The following SPOCK3 variants were observed in gnomAD, a reference collection of about 807,000 sequenced individuals.
The protein encoded by SPOCK3 is testican-3.
In SPOCK3, 30 loss-of-function variants were observed where a neutral mutation model predicts 56.6. The observed-to-expected ratio is 0.53, with a 90% CI of 0.40 to 0.72. The LOEUF is 0.72. Among genes scored for constraint, SPOCK3 ranks in the 30% least tolerant of loss-of-function variants. SPOCK3 has a pLI of 0.00. For synonymous variants in SPOCK3, 196 were observed against 183.3 expected, an observed-to-expected ratio of 1.07 and a Z score of -0.56; for missense variants, 527 against 530.0, an observed-to-expected ratio of 0.99 and a Z score of 0.06.
chr4:166,781,414 G>A (rs1740152002), intron 7 of SPOCK3, among the ~76,000 whole-genome samples: 1 of 144,540 alleles, frequency 6.9e-6, no homozygotes, highest in South Asian at 2.2e-4. Flanking sequence ...AGGAGAAAGA[G>A]AAGAAAATAA....
At chr4:166,785,691 T>C (rs1238298294) in intron 7 of SPOCK3, among the ~76,000 whole-genome samples, 1 of 152,196 alleles carries the variant, frequency 6.6e-6, no homozygotes, top group Non-Finnish European at 1.5e-5. Context: ...CATTGACTTT[T>C]TTGAAAAAGC....
intron 2 of SPOCK3, among the ~76,000 whole-genome samples, chr4:167,116,544 G>GTATATGTATATATATATAAAA (rs1761358029): frequency 8.7e-6 from 1 of 114,336 alleles, no homozygotes; most frequent in Admixed American, 9.3e-5. Flanking sequence ...ATATATAAAA[G>GTATATGTATATATATATAAAA]TATATATATG....
intron 2 of SPOCK3, among the ~76,000 whole-genome samples, chr4:167,195,108 AG>A (rs1732819312): frequency 6.6e-6 from 1 of 152,164 alleles, no homozygotes; most frequent in Non-Finnish European, 1.5e-5. Flanking sequence ...GAGTAAGCAG[AG>A]TTGCAGACAG....
intron 7 of SPOCK3, among the ~76,000 whole-genome samples, chr4:166,775,577 T>C (rs1739436571): frequency 6.6e-6 from 1 of 152,132 alleles, no homozygotes; most frequent in Non-Finnish European, 1.5e-5. Context: ...ATATGGCTGA[T>C]TTTCTAAATG....
Position 167,192,231 on chromosome 4 carries a change from T to A in SPOCK3, c.189+41754A>T. Among the ~76,000 whole-genome samples the A allele has an allele frequency of 1.4e-5, 2 of 146,070 alleles. 1 individual carries two copies. The highest frequency in any genetic ancestry group is 3.0e-5 in the Non-Finnish European group (2 of 66,870). Reference sequence around the variant, plus strand: ...TTTAAATTCTTCAGGGATATTGGCTTATAATTTTCTTTTATTGTAATTTCC... The same window carrying A: ...TTTAAATTCTTCAGGGATATTGGCTAATAATTTTCTTTTATTGTAATTTCC... On this transcript the variant is annotated intron_variant, in intron 2 of 10. Coordinates refer to ENST00000357545, the MANE Select transcript of SPOCK3 (RefSeq NM_001040159.2).
chr4:167,210,329 A>C (rs552631469), intron 2 of SPOCK3, among the ~76,000 whole-genome samples: 68 of 152,212 alleles, frequency 4.5e-4, no homozygotes, highest in African/African-American at 1.4e-3. Context: ...CCTTCATTGA[A>C]TCACCTCCCA....
intron 2 of SPOCK3, among the ~76,000 whole-genome samples, chr4:167,180,622 C>A (rs866795743): frequency 6.6e-6 from 1 of 152,254 alleles, no homozygotes; most frequent in African/African-American, 2.4e-5. Context: ...GATATTGCAG[C>A]ATTTATATTT....
At chr4:166,772,904 C>T (rs578094980) in intron 7 of SPOCK3, among the ~76,000 whole-genome samples, 9 of 152,188 alleles carry the variant, frequency 5.9e-5, no homozygotes, top group African/African-American at 2.2e-4. Context: ...GATCTTCCCA[C>T]CTCAGCTTCC....
intron 2 of SPOCK3, among the ~76,000 whole-genome samples, chr4:167,072,790 T>C (rs912641225): frequency 6.6e-6 from 1 of 151,786 alleles, no homozygotes; most frequent in Admixed American, 6.6e-5. Flanking sequence ...CCAAGGAAAA[T>C]AAGATTATAA....
At chr4:167,226,029 T>G (rs1470196440) in intron 2 of SPOCK3, among the ~76,000 whole-genome samples, 2 of 152,130 alleles carry the variant, frequency 1.3e-5, no homozygotes, top group Non-Finnish European at 2.9e-5. Context: ...ATCCTGTTCT[T>G]TAACTAAGAG....
In SPOCK3 at chr4:166,916,348, A is replaced by G. The variant is rs147118556; in HGVS notation, c.351-3605T>C. Among the ~76,000 whole-genome samples, 73 of 152,246 alleles carry G rather than the reference A, an allele frequency of 4.8e-4. 1 individual carries two copies. Among genetic ancestry groups the G allele is most frequent in the African/African-American group, 1.7e-3 (69 of 41,556 alleles). On this transcript the variant is annotated intron_variant, in intron 4 of 10. Transcript: ENST00000357545. Reference sequence around the variant, plus strand: ...TCTTTTAGGTGACTCACTTCTAGGCAGTTGAATCATATTATCTTCTTACCA... The same window carrying G: ...TCTTTTAGGTGACTCACTTCTAGGCGGTTGAATCATATTATCTTCTTACCA...
intron 7 of SPOCK3, among the ~76,000 whole-genome samples, chr4:166,781,670 C>T (rs1290961282): frequency 6.6e-6 from 1 of 151,890 alleles, no homozygotes; most frequent in Non-Finnish European, 1.5e-5. Flanking sequence ...TCTTAGAGAA[C>T]ACTAAACAGA....
intron 2 of SPOCK3, among the ~76,000 whole-genome samples, chr4:167,073,090 T>C (rs1189242628): frequency 6.6e-6 from 1 of 151,704 alleles, no homozygotes; most frequent in African/African-American, 2.4e-5. Flanking sequence ...TATTAATACA[T>C]TTGTATCATA....
chr4:166,944,130 G>C (rs951397662), intron 4 of SPOCK3, among the ~76,000 whole-genome samples: 3 of 152,034 alleles, frequency 2.0e-5, no homozygotes, highest in Non-Finnish European at 2.9e-5. Context: ...CTGGGTGACA[G>C]AGCAAGACTG....
chr4:166,923,980 G>T (rs1738784054), intron 4 of SPOCK3, among the ~76,000 whole-genome samples: 1 of 152,098 alleles, frequency 6.6e-6, no homozygotes, highest in African/African-American at 2.4e-5. Flanking sequence ...TTGTTCTTTT[G>T]CATTTAGCAG....
At chr4:166,856,523 C>A (rs1381838885) in intron 6 of SPOCK3, among the ~76,000 whole-genome samples, 1 of 152,060 alleles carries the variant, frequency 6.6e-6, no homozygotes, top group African/African-American at 2.4e-5. Flanking sequence ...CAGCTGTAAT[C>A]CCAGTACTTT....
chr4:167,102,344 G>C (rs1291942123), intron 2 of SPOCK3: 1 of 152,134 alleles, frequency 6.6e-6, no homozygotes, highest in Non-Finnish European at 1.5e-5. Context: ...GCCTTCACCA[G>C]TTTCCTCCCT....
intron 2 of SPOCK3, among the ~76,000 whole-genome samples, chr4:167,221,304 G>A (rs912726627): frequency 2.6e-5 from 4 of 151,972 alleles, no homozygotes; most frequent in African/African-American, 2.4e-5. Flanking sequence ...GGAGTTTCCC[G>A]CTGCAGTGAG....
chr4:166,949,315 C>T lies in SPOCK3; in HGVS notation c.351-36572G>A, dbSNP rs547748559. Among the ~76,000 whole-genome samples, 6 of 152,244 alleles carry T rather than the reference C, an allele frequency of 3.9e-5. No homozygotes were observed. In the South Asian group the frequency reaches 8.3e-4, roughly 21 times the overall value. Reference sequence around the variant, plus strand: ...TTCCTCCTGTAGCTTGTAGTTTGATCGTCTGAAGCCTTCTTCTCTCAACTC... The same window carrying T: ...TTCCTCCTGTAGCTTGTAGTTTGATTGTCTGAAGCCTTCTTCTCTCAACTC... On this transcript the variant is annotated intron_variant, in intron 4 of 10. Coordinates refer to ENST00000357545, the MANE Select transcript of SPOCK3 (RefSeq NM_001040159.2).
Sources: gnomAD v4.1 joint callset for allele counts (sites outside exome capture counted in the v4.1 genomes callset) on GRCh38, gnomAD v4.1.1 for gene constraint, MANE v1.5 for transcripts, NCBI Gene and HGNC (gene_info 2026-07-23, HGNC 2026-07-21) for gene names.